The following CACNA1C variants were observed in gnomAD, a reference collection of about 807,000 sequenced individuals.
CACNA1C encodes voltage-dependent L-type calcium channel subunit alpha-1C.
CACNA1C carries 30 observed loss-of-function variants against 229.0 expected under a neutral mutation model. The ratio of observed to expected loss-of-function variants is 0.13; its 90% CI spans 0.10 to 0.18. The LOEUF (loss-of-function observed/expected upper bound fraction) is 0.18. CACNA1C is among the 10% of genes least tolerant of loss of function. The pLI, the probability that CACNA1C is intolerant of heterozygous loss-of-function variation, is 1.00. For missense variants in CACNA1C, 1,658 were observed against 2,845.0 expected (o/e 0.58, Z 9.49); for synonymous variants, 1,114 against 1,132.5 (o/e 0.98, Z 0.33).
intron 1 of CACNA1C, among the ~76,000 whole-genome samples, chr12:2,075,653 A>G (rs951859635): frequency 6.6e-6 from 1 of 152,226 alleles, no homozygotes; most frequent in Non-Finnish European, 1.5e-5. Context: ...ATAGGTTGGC[A>G]GAACAAGCCT....
chr12:2,515,880 T>C (rs891477472), intron 9 of CACNA1C, among the ~76,000 whole-genome samples: 1 of 152,168 alleles, frequency 6.6e-6, no homozygotes, highest in Non-Finnish European at 1.5e-5. Context: ...TATGTTCCAG[T>C]TCATTCATTC....
intron 9 of CACNA1C, among the ~76,000 whole-genome samples, chr12:2,549,094 A>AC (rs71057830): frequency 0.63 from 95,242 of 152,004 alleles, 32,002 homozygotes; most frequent in Non-Finnish European, 0.74. Context: ...CTTTCAAGCC[A>AC]CCAAACTGGG....
intron 1 of CACNA1C, among the ~76,000 whole-genome samples, chr12:2,023,184 C>T (rs1186140486): frequency 2.6e-5 from 4 of 152,156 alleles, no homozygotes; most frequent in Non-Finnish European, 4.4e-5. Context: ...GGTGGTGCAT[C>T]GAGTGTTCTG....
chr12:2,470,636 A>T (rs2099586379), intron 5 of CACNA1C, among the ~76,000 whole-genome samples: 1 of 152,204 alleles, frequency 6.6e-6, no homozygotes, highest in South Asian at 2.1e-4. Context: ...GATCTATAAA[A>T]TGGGGGCTAA....
At chr12:2,061,382 A>G (rs1406042115) in intron 1 of CACNA1C, among the ~76,000 whole-genome samples, 1 of 152,222 alleles carries the variant, frequency 6.6e-6, no homozygotes, top group Non-Finnish European at 1.5e-5. Context: ...TAAAGGTGAA[A>G]ATGTAAAACA....
intron 3 of CACNA1C, among the ~76,000 whole-genome samples, chr12:2,314,307 C>A (rs886704005): frequency 2.0e-5 from 3 of 152,106 alleles, no homozygotes; most frequent in Non-Finnish European, 4.4e-5. Flanking sequence ...TTTTTTGGAG[C>A]CTTCAAAATT....
intron 1 of CACNA1C, among the ~76,000 whole-genome samples, chr12:2,087,094 C>T (rs371775136): frequency 6.6e-6 from 1 of 152,198 alleles, no homozygotes; most frequent in African/African-American, 2.4e-5. Flanking sequence ...CCCTTTGCCT[C>T]TCTGTTCTCT....
chr12:2,028,035 T>A (rs1481987671), intron 1 of CACNA1C, among the ~76,000 whole-genome samples: 2 of 152,228 alleles, frequency 1.3e-5, no homozygotes, highest in Admixed American at 6.5e-5. Flanking sequence ...CTTCGCCTCC[T>A]CTGCACAAAG....
chr12:2,501,475 G>A (rs2283318), intron 7 of CACNA1C, among the ~76,000 whole-genome samples: 76,111 of 152,032 alleles, frequency 0.5, 21,397 homozygotes, highest in African/African-American at 0.77. Context: ...GTAGGCGCTC[G>A]GTAAATACTT....
Position 2,373,747 on chromosome 12 carries a change from C to A in CACNA1C, c.478-75229C>A, listed in dbSNP as rs372445361. ...GCTGCCTTAACAAACCCTCTTCAAG[C>A]CCATTTTCCTTTTGCCTTTCCATTA... On this transcript the variant is annotated intron_variant, in intron 3 of 46. Transcript: ENST00000399655. Among the ~76,000 whole-genome samples the A allele has an allele frequency of 1.1e-4, 16 of 152,276 alleles. No individual in the cohort carries two copies. In the South Asian group the frequency reaches 3.3e-3, roughly 32 times the overall value.
intron 3 of CACNA1C, among the ~76,000 whole-genome samples, chr12:2,355,368 C>G (rs550594779): frequency 2.0e-5 from 3 of 152,234 alleles, no homozygotes; most frequent in Admixed American, 1.3e-4. Context: ...CCCACCCCCC[C>G]ACATTTCCTC....
intron 3 of CACNA1C, among the ~76,000 whole-genome samples, chr12:2,314,127 C>T (rs534327946): frequency 6.6e-6 from 1 of 152,190 alleles, no homozygotes; most frequent in Non-Finnish European, 1.5e-5. Flanking sequence ...GGAATCTAGC[C>T]ACGTCACCTT....
Position 2,059,607 on chromosome 12 carries a change from A to T in CACNA1C, c.49+5996A>T, listed in dbSNP as rs12229620. Among the ~76,000 whole-genome samples, 4 of 152,282 alleles carry T rather than the reference A, an allele frequency of 2.6e-5. No homozygotes were observed. In the East Asian group the frequency reaches 7.7e-4, roughly 29 times the overall value. ...GCTTCTTGTGCTATACCCTGTGTGTATAGGGGGCAAGGGGCTAGGCTCTGG... is the reference window on the plus strand; with the variant it reads ...GCTTCTTGTGCTATACCCTGTGTGTTTAGGGGGCAAGGGGCTAGGCTCTGG... On this transcript the variant is annotated intron_variant, in intron 1 of 46. Transcript: ENST00000399655.
At position 2,455,762 on chromosome 12, in the gene CACNA1C, A is replaced by G. The variant is rs1303377072; in HGVS notation, c.618-1805A>G. ...CAGCCATGTCTCTGCAGCACGTGAC[A>G]CCACCGCCTGTTCACTGACCGCTCT... On this transcript the variant is annotated intron_variant, in intron 4 of 46. Transcript: ENST00000399655. Among the ~76,000 whole-genome samples, 3 of 151,984 alleles carry G rather than the reference A, an allele frequency of 2.0e-5. No individual in the cohort carries two copies. In the East Asian group the frequency reaches 5.8e-4, roughly 29 times the overall value.
At chr12:2,547,213 G>A (rs1229561735) in intron 9 of CACNA1C, among the ~76,000 whole-genome samples, 1 of 152,154 alleles carries the variant, frequency 6.6e-6, no homozygotes, top group Non-Finnish European at 1.5e-5. Flanking sequence ...TCTCTCCAGG[G>A]TCCATCATTT....
At chr12:2,274,266 C>T (rs2086650009) in intron 3 of CACNA1C, among the ~76,000 whole-genome samples, 1 of 152,238 alleles carries the variant, frequency 6.6e-6, no homozygotes, top group African/African-American at 2.4e-5. Context: ...CCGAGTCGTT[C>T]TCACTGCGTG....
chr12:2,121,840 C>T (rs977863859), intron 3 of CACNA1C, among the ~76,000 whole-genome samples: 2 of 152,242 alleles, frequency 1.3e-5, no homozygotes, highest in African/African-American at 4.8e-5. Context: ...CACATTTAAT[C>T]TGCAACTTTT....
intron 29 of CACNA1C, among the ~76,000 whole-genome samples, chr12:2,620,313 G>C (rs1257852401): frequency 6.6e-6 from 1 of 151,982 alleles, no homozygotes; most frequent in African/African-American, 2.4e-5. Flanking sequence ...AAAATCCTGG[G>C]ATTCTATTGC....
At chr12:2,041,338 G>A (rs574312462) in intron 1 of CACNA1C, among the ~76,000 whole-genome samples, 2 of 144,852 alleles carry the variant, frequency 1.4e-5, no homozygotes, top group East Asian at 2.1e-4. Flanking sequence ...GTGCAGTGGC[G>A]CTGTCTTGGC....
Sources: gnomAD v4.1 joint callset for allele counts (sites outside exome capture counted in the v4.1 genomes callset) on GRCh38, gnomAD v4.1.1 for gene constraint, MANE v1.5 for transcripts, NCBI Gene and HGNC (gene_info 2026-07-23, HGNC 2026-07-21) for gene names.